The following DCC variants were observed in gnomAD, a reference collection of about 807,000 sequenced individuals.
DCC encodes DCC netrin 1 receptor, also known as netrin receptor DCC.
DCC carries 58 observed loss-of-function variants against 172.5 expected under a neutral mutation model. The ratio of observed to expected loss-of-function variants is 0.34; its 90% CI spans 0.27 to 0.42. DCC has a LOEUF of 0.42. Among genes scored for constraint, DCC ranks in the 10% least tolerant of loss-of-function variants. The probability of loss-of-function intolerance (pLI) is 1.00; values close to 1 mark genes in which losing one functional copy is unlikely to be tolerated. For missense variants in DCC, 1,740 were observed against 1,791.0 expected (o/e 0.97, Z 0.51); for synonymous variants, 709 against 644.5 (o/e 1.10, Z -1.52).
intron 21 of DCC, among the ~76,000 whole-genome samples, chr18:53,428,565 T>G (rs1446894814): frequency 2.8e-5 from 1 of 35,938 alleles, no homozygotes; most frequent in African/African-American, 7.0e-5. Flanking sequence ...TTTATATATA[T>G]ATTTATATAT....
intron 13 of DCC, among the ~76,000 whole-genome samples, chr18:53,306,655 C>T (rs1164455804): frequency 6.6e-6 from 1 of 152,226 alleles, no homozygotes; most frequent in Non-Finnish European, 1.5e-5. Flanking sequence ...AGGCAGTCCC[C>T]AGTGAAGCCA....
intron 1 of DCC, among the ~76,000 whole-genome samples, chr18:52,698,569 A>G (rs1460371255): frequency 1.3e-5 from 2 of 151,986 alleles, no homozygotes; most frequent in Non-Finnish European, 2.9e-5. Context: ...TCCTGAAAAT[A>G]CAGAATATCA....
At chr18:52,418,266 T>A (rs1016851681) in intron 1 of DCC, among the ~76,000 whole-genome samples, 1 of 152,188 alleles carries the variant, frequency 6.6e-6, no homozygotes, top group Non-Finnish European at 1.5e-5. Flanking sequence ...ACCCCTGGTG[T>A]ATCTTGAGAA....
At chr18:52,751,197 CA>C (rs2036988772) in intron 1 of DCC, among the ~76,000 whole-genome samples, 1 of 152,200 alleles carries the variant, frequency 6.6e-6, no homozygotes, top group Admixed American at 6.5e-5. Flanking sequence ...CCTGTCTGAG[CA>C]AATGGTGGAG....
chr18:53,458,224 A>G (rs980677088), intron 23 of DCC, among the ~76,000 whole-genome samples: 4 of 152,228 alleles, frequency 2.6e-5, no homozygotes, highest in South Asian at 2.1e-4. Flanking sequence ...AGTTACAAGT[A>G]GAGATTTAAA....
chr18:52,918,428 C>A (rs2040072034), intron 3 of DCC, among the ~76,000 whole-genome samples: 1 of 152,092 alleles, frequency 6.6e-6, no homozygotes, highest in South Asian at 2.1e-4. Flanking sequence ...TCTATTCTTA[C>A]CGAGCTTAGA....
At chr18:52,798,928 TA>T (rs2037929342) in intron 2 of DCC, among the ~76,000 whole-genome samples, 1 of 152,044 alleles carries the variant, frequency 6.6e-6, no homozygotes, top group Non-Finnish European at 1.5e-5. Context: ...TTTATATTTT[TA>T]GTAGAGATGA....
chr18:52,381,284 G>T (rs182212232), intron 1 of DCC, among the ~76,000 whole-genome samples: 1 of 152,156 alleles, frequency 6.6e-6, no homozygotes, highest in Non-Finnish European at 1.5e-5. Context: ...ACTTAAGGGG[G>T]AGGTGATGCA....
intron 1 of DCC, among the ~76,000 whole-genome samples, chr18:52,427,841 TTC>T: frequency 2.8e-5 from 2 of 72,194 alleles, no homozygotes; most frequent in Middle Eastern, 0.015. Context: ...CCTTTCTTCC[TTC>T]CTTCCTTCCT....
At chr18:52,686,319 TA>T (rs1331119366) in intron 1 of DCC, among the ~76,000 whole-genome samples, 2 of 152,160 alleles carry the variant, frequency 1.3e-5, no homozygotes, top group African/African-American at 4.8e-5. Context: ...GAATCCCTTT[TA>T]GGCCAGCCTA....
chr18:53,001,666 C>T (rs927830024), intron 5 of DCC, among the ~76,000 whole-genome samples: 1 of 152,112 alleles, frequency 6.6e-6, no homozygotes. Flanking sequence ...AAATCATACA[C>T]GTGTTTTTGT....
intron 15 of DCC, among the ~76,000 whole-genome samples, chr18:53,359,928 G>A (rs987032050): frequency 6.6e-6 from 1 of 152,076 alleles, no homozygotes; most frequent in Non-Finnish European, 1.5e-5. Context: ...ATCATTTCCT[G>A]TATCTGTGTG....
At chr18:53,156,488 A>AC (rs2054736627) in intron 7 of DCC, among the ~76,000 whole-genome samples, 1 of 126,062 alleles carries the variant, frequency 7.9e-6, no homozygotes, top group Non-Finnish European at 1.6e-5. Flanking sequence ...ATCTCAACCA[A>AC]AAAAAAAAAA....
chr18:53,357,491 C>T (rs1041161542), intron 15 of DCC, among the ~76,000 whole-genome samples: 9 of 151,926 alleles, frequency 5.9e-5, no homozygotes, highest in Non-Finnish European at 8.8e-5. Flanking sequence ...GCACTTTAGC[C>T]GACTCAAGAA....
intron 25 of DCC, among the ~76,000 whole-genome samples, chr18:53,474,261 G>C (rs922949670): frequency 2.6e-5 from 4 of 152,000 alleles, no homozygotes; most frequent in African/African-American, 9.7e-5. Flanking sequence ...TCATATAGTG[G>C]AGTACAATGC....
chr18:53,182,172 T>C lies in DCC; in HGVS notation c.1573+3056T>C, dbSNP rs369077547. ...AACATGCTGATTGTTGGTATTGTTG[T>C]CACATATAAATTCTATTCTCTAAGA... On this transcript the variant is annotated intron_variant, in intron 9 of 28. Coordinates refer to ENST00000442544, the MANE Select transcript of DCC (RefSeq NM_005215.4). Among the ~76,000 whole-genome samples the C allele has an allele frequency of 5.9e-5, 9 of 152,350 alleles. No individual in the cohort carries two copies. The East Asian group carries it at 1.3e-3, about 23-fold the overall frequency.
At chr18:52,531,834 G>T (rs572267703) in intron 1 of DCC, among the ~76,000 whole-genome samples, 2 of 152,008 alleles carry the variant, frequency 1.3e-5, no homozygotes, top group African/African-American at 4.8e-5. Flanking sequence ...ACCTCCTAAG[G>T]TGTTCCGGAA....
At chr18:53,120,665 A>C (rs984588165) in intron 7 of DCC, among the ~76,000 whole-genome samples, 2 of 151,816 alleles carry the variant, frequency 1.3e-5, no homozygotes, top group Non-Finnish European at 2.9e-5. Flanking sequence ...ACAAGCTATG[A>C]TATATCTTGC....
chr18:52,448,329 A>G (rs1414428581), intron 1 of DCC, among the ~76,000 whole-genome samples: 3 of 152,216 alleles, frequency 2.0e-5, no homozygotes, highest in Admixed American at 1.3e-4. Flanking sequence ...TCGGTCCCTC[A>G]TGCCAAAAAG....
Sources: gnomAD v4.1 joint callset for allele counts (sites outside exome capture counted in the v4.1 genomes callset) on GRCh38, gnomAD v4.1.1 for gene constraint, MANE v1.5 for transcripts, NCBI Gene and HGNC (gene_info 2026-07-23, HGNC 2026-07-21) for gene names.